The following TRAK1 variants were observed in gnomAD, a reference collection of about 807,000 sequenced individuals.
TRAK1 encodes trafficking kinesin-binding protein 1.
Under a neutral mutation model 92.1 loss-of-function variants are expected in TRAK1, and 33 were observed. The observed-to-expected ratio is 0.36, with a 90% CI of 0.27 to 0.48. The LOEUF is 0.48. Among genes scored for constraint, TRAK1 ranks in the 20% least tolerant of loss-of-function variants. The pLI is 0.99. For missense variants in TRAK1, 1,123 were observed against 1,257.9 expected (o/e 0.89, Z 1.62); for synonymous variants, 521 against 517.3 (o/e 1.01, Z -0.10).
chr3:42,091,960 AATCCTATGTCTTG>A (rs1705134038), intron 1 of TRAK1, among the ~76,000 whole-genome samples: 2 of 152,162 alleles, frequency 1.3e-5, no homozygotes, highest in East Asian at 3.9e-4. Context: ...TGATTTCTCT[AATCCTATGTCTTG>A]TCTTTATCCT....
At chr3:42,188,906 C>G in intron 5 of TRAK1, 110 bp from the exon 6 acceptor site, 1 of 741,142 alleles carries the variant, frequency 1.3e-6, no homozygotes, top group South Asian at 1.7e-5. Context: ...GGAGAGCCGT[C>G]TGGTGGGTCA....
In TRAK1 at chr3:42,222,993, C is replaced by T. The variant is rs1393122284; in HGVS notation, c.2118C>T (p.Ser706=). Residue 706 remains serine, a synonymous_variant, in exon 16 of 16, where the codon TCC becomes TCT. Transcript: ENST00000327628. ...GTGGCAGCACCAGCCACTTGAAATC[C>T]ACGCCGGTGGCCACACCATGCACTC... The part of the protein sequence containing the change: ...PACGSTSHLK[S]TPVATPCTPR... 2.5e-6 allele frequency: 4 copies of T among 1,614,118 alleles called. No homozygotes were observed. The South Asian group carries it at 3.3e-5, about 13-fold the overall frequency.
At position 42,222,950 on chromosome 3, in the gene TRAK1, C is replaced by T. The variant is rs1710505220; in HGVS notation, c.2075C>T (p.Ser692Leu). 1.2e-6 allele frequency: 2 copies of T among 1,612,424 alleles called. No individual in the cohort carries two copies. Among genetic ancestry groups the T allele is most frequent in the Non-Finnish European group, 1.7e-6 (2 of 1,178,866 alleles). ...GTCATTTCTTCTTTCAGCCTTAACT[C>T]AGCCCCAACTCCAGCTTGTGGCAGC... ...ELTRVTPSLN[S>L]APTPACGSTS... The change falls in exon 16 of 16, where the codon TCA becomes TTA. Residue 692 changes from serine to leucine, a missense_variant. Ser to Leu is a moderately radical substitution (Grantham distance 145, BLOSUM62 -2). This residue lies in a region of TRAK1 where 401 missense variants were observed against 438.9 expected (regional missense o/e 0.91). Coordinates refer to ENST00000327628, the MANE Select transcript of TRAK1 (RefSeq NM_001042646.3).
chr3:42,023,329 G>A (rs544740830), intron 1 of TRAK1, among the ~76,000 whole-genome samples: 1 of 152,214 alleles, frequency 6.6e-6, no homozygotes, highest in South Asian at 2.1e-4. Context: ...AACTCAAGTT[G>A]CATCCACATT....
intron 1 of TRAK1, among the ~76,000 whole-genome samples, chr3:42,041,141 A>T (rs1210777218): frequency 2.7e-5 from 4 of 150,066 alleles, no homozygotes; most frequent in African/African-American, 9.9e-5. Flanking sequence ...TTATGCTTAA[A>T]AAAAAAAAAA....
chr3:42,207,374 T>C (rs1708452674), intron 13 of TRAK1, among the ~76,000 whole-genome samples: 1 of 152,162 alleles, frequency 6.6e-6, no homozygotes, highest in African/African-American at 2.4e-5. Flanking sequence ...ATCTGGAAAT[T>C]CTGCTGCTGA....
intron 1 of TRAK1, among the ~76,000 whole-genome samples, chr3:42,060,900 G>A (rs1703410154): frequency 6.6e-6 from 1 of 151,928 alleles, no homozygotes; most frequent in South Asian, 2.1e-4. Context: ...TAAAATGCTG[G>A]GATTACAGGC....
chr3:42,149,641 G>T lies in TRAK1; in HGVS notation c.286+24027G>T, dbSNP rs1041321680. ...CAAAACAGAGCCGGGATGTATAGGGGTATTGTCTCCTTCTGGGTGGGGGGT... is the reference window on the plus strand; with the variant it reads ...CAAAACAGAGCCGGGATGTATAGGGTTATTGTCTCCTTCTGGGTGGGGGGT... On this transcript the variant is annotated intron_variant, in intron 2 of 15. Coordinates refer to ENST00000327628, the MANE Select transcript of TRAK1 (RefSeq NM_001042646.3). The T allele has an allele frequency of 2.0e-6, 3 of 1,535,810 alleles. No individual in the cohort carries two copies. The African/African-American group carries it at 4.1e-5, about 21-fold the overall frequency.
chr3:42,097,345 G>A (rs1559760604), intron 1 of TRAK1, among the ~76,000 whole-genome samples: 1 of 152,224 alleles, frequency 6.6e-6, no homozygotes, highest in Non-Finnish European at 1.5e-5. Context: ...CTAGGCTGGG[G>A]ACTGTAATTT....
chr3:42,219,957 C>T (rs1257964724), intron 15 of TRAK1, among the ~76,000 whole-genome samples: 1 of 151,786 alleles, frequency 6.6e-6, no homozygotes, highest in Non-Finnish European at 1.5e-5. Flanking sequence ...AATAAAGAGA[C>T]CTGGACCGAC....
intron 1 of TRAK1, among the ~76,000 whole-genome samples, chr3:42,047,241 G>C (rs1702789386): frequency 6.9e-6 from 1 of 144,948 alleles, no homozygotes; most frequent in Non-Finnish European, 1.5e-5. Context: ...TGTCGCCCAG[G>C]CTGGATTGTA....
chr3:42,154,878 C>T (rs1369230578), intron 2 of TRAK1, among the ~76,000 whole-genome samples: 1 of 152,056 alleles, frequency 6.6e-6, no homozygotes, highest in African/African-American at 2.4e-5. Flanking sequence ...GAAAGATGCT[C>T]ATACCTGAAG....
rs573218568 is a variant in TRAK1, at chr3:42,018,366, A to G, written c.-519+4249A>G. ...TCTGGGGAATCCCCAGCATAAGCAC[A>G]TGTACCCCAGTTTGGGAATCGTGGA... is the stretch of plus-strand genomic sequence containing the variant. On this transcript the variant is annotated intron_variant, in intron 1 of 16. Transcript: ENST00000487159. Among the ~76,000 whole-genome samples, 4 of 152,206 alleles carry G rather than the reference A, an allele frequency of 2.6e-5. 1 individual carries two copies. Among genetic ancestry groups the G allele is most frequent in the African/African-American group, 9.6e-5 (4 of 41,534 alleles).
intron 2 of TRAK1, 145 bp from the exon 3 acceptor site, chr3:42,176,669 A>C: frequency 1.4e-6 from 1 of 704,782 alleles, no homozygotes; most frequent in Non-Finnish European, 2.6e-6. Flanking sequence ...GGTGGTGGTG[A>C]GTACATTGCG....
At chr3:42,174,673 T>G (rs1702973840) in intron 2 of TRAK1, among the ~76,000 whole-genome samples, 1 of 148,888 alleles carries the variant, frequency 6.7e-6, no homozygotes. Flanking sequence ...ACACAAAATT[T>G]TTATATATAT....
Position 42,023,744 on chromosome 3 carries a change from G to GTTTT in TRAK1, c.-519+9651_-519+9654dup, listed in dbSNP as rs780080581. Among the ~76,000 whole-genome samples, 48 of 99,052 alleles carry GTTTT rather than the reference G, an allele frequency of 4.8e-4. 2 individuals are homozygous for GTTTT. Among genetic ancestry groups the GTTTT allele is most frequent in the African/African-American group, 1.9e-3 (41 of 22,108 alleles). The allele number at this position is 99,052 out of a possible 152,430, so 65.0% of individuals were successfully genotyped here. The stretch of plus-strand genomic sequence containing the variant: ...TGCTGAGTTTGACGTGCTCGTGAGG[G>GTTTT]TTTTTTTTTTTTTTTTTTTTTTTTT... On this transcript the variant is annotated intron_variant, in intron 1 of 16. Coordinates refer to the TRAK1 transcript ENST00000487159.
intron 14 of TRAK1, among the ~76,000 whole-genome samples, chr3:42,215,921 C>T (rs1275509646): frequency 1.3e-5 from 2 of 152,130 alleles, no homozygotes; most frequent in African/African-American, 2.4e-5. Context: ...TGTCTCTGGG[C>T]TCATGTGAGG....
At chr3:42,016,205 G>GC (rs1258044887) in intron 1 of TRAK1, among the ~76,000 whole-genome samples, 14 of 146,632 alleles carry the variant, frequency 9.5e-5, no homozygotes, top group Non-Finnish European at 1.5e-4. Flanking sequence ...CTGGTTTTTT[G>GC]TTTTTTTTTT....
At chr3:42,060,922 C>T (rs886200268) in intron 1 of TRAK1, among the ~76,000 whole-genome samples, 4 of 152,030 alleles carry the variant, frequency 2.6e-5, no homozygotes, top group African/African-American at 4.8e-5. Flanking sequence ...TGAGCCACCG[C>T]GCCCGGCCTT....
Sources: allele counts gnomAD v4.1 joint callset (sites outside exome capture counted in the v4.1 genomes callset), GRCh38; gene constraint gnomAD v4.1.1; regional missense constraint gnomAD v4.1.1; transcripts MANE v1.5; gene names NCBI Gene and HGNC (gene_info 2026-07-23, HGNC 2026-07-21).